NRXN3: variants seen among roughly 807,000 people sequenced by gnomAD.
NRXN3 encodes neurexin III.
A neutral mutation model predicts 137.6 loss-of-function variants in NRXN3; 32 were observed. That is an observed-to-expected ratio of 0.23 (90% CI 0.18 to 0.31). The LOEUF is 0.31. Ranked by LOEUF, NRXN3 falls within the 10% of genes least tolerant of loss-of-function variation. The pLI is 1.00. For missense variants in NRXN3, 1,574 were observed against 2,062.5 expected, an observed-to-expected ratio of 0.76 and a Z score of 4.59; for synonymous variants, 798 against 784.5, an observed-to-expected ratio of 1.02 and a Z score of -0.29.
At chr14:79,480,896 C>G (rs1334617795) in intron 16 of NRXN3, among the ~76,000 whole-genome samples, 1 of 152,128 alleles carries the variant, frequency 6.6e-6, no homozygotes, top group Non-Finnish European at 1.5e-5. Context: ...TTCCTGAGGC[C>G]TCCCCAGCCA....
chr14:78,824,471 C>A (rs1263436306), intron 10 of NRXN3, among the ~76,000 whole-genome samples: 3 of 152,124 alleles, frequency 2.0e-5, no homozygotes, highest in African/African-American at 4.8e-5. Flanking sequence ...CATTAGTGAA[C>A]ACTTATTGAA....
intron 3 of NRXN3, 42 bp downstream of exon 3, chr14:78,278,704 T>C: frequency 6.6e-7 from 1 of 1,512,674 alleles, no homozygotes; most frequent in East Asian, 2.5e-5. Flanking sequence ...GAATTTCCCC[T>C]CTGCTAGATT....
chr14:78,206,577 T>A (rs938744243), intron 1 of NRXN3, among the ~76,000 whole-genome samples: 2 of 152,074 alleles, frequency 1.3e-5, no homozygotes, highest in Admixed American at 6.5e-5. Flanking sequence ...AAGGCTGAGA[T>A]GAGATTGCTC....
intron 1 of NRXN3, among the ~76,000 whole-genome samples, chr14:78,222,452 A>G (rs944311768): frequency 1.3e-5 from 2 of 152,168 alleles, no homozygotes; most frequent in Non-Finnish European, 2.9e-5. Flanking sequence ...CATCGCCTTG[A>G]ATGAGGCTTT....
At chr14:79,668,010 C>T (rs2153992492) in intron 17 of NRXN3, among the ~76,000 whole-genome samples, 1 of 152,078 alleles carries the variant, frequency 6.6e-6, no homozygotes, top group African/African-American at 2.4e-5. Context: ...CAGACTGATA[C>T]ACAGCTTCAA....
chr14:78,908,706 T>C (rs2099226838), intron 10 of NRXN3, among the ~76,000 whole-genome samples: 1 of 151,978 alleles, frequency 6.6e-6, no homozygotes, highest in Non-Finnish European at 1.5e-5. Context: ...GATAAGACAT[T>C]GGTTTGAATA....
At chr14:78,694,117 T>C (rs1041591995) in intron 6 of NRXN3, among the ~76,000 whole-genome samples, 3 of 152,010 alleles carry the variant, frequency 2.0e-5, no homozygotes, top group East Asian at 3.9e-4. Flanking sequence ...CAGCTTGAAT[T>C]AAGAGCTCAT....
chr14:79,628,151 A>G (rs2098302230), intron 16 of NRXN3, among the ~76,000 whole-genome samples: 1 of 152,186 alleles, frequency 6.6e-6, no homozygotes, highest in South Asian at 2.1e-4. Context: ...ATAAGAGGAC[A>G]GTTTAGAGGA....
At chr14:79,197,175 A>G (rs2065249161) in intron 15 of NRXN3, among the ~76,000 whole-genome samples, 1 of 152,322 alleles carries the variant, frequency 6.6e-6, no homozygotes. Context: ...TTTGCCTTAT[A>G]TCCACTTAAG....
chr14:78,955,329 A>G (rs1382129841), intron 10 of NRXN3, among the ~76,000 whole-genome samples: 2 of 152,162 alleles, frequency 1.3e-5, no homozygotes, highest in Non-Finnish European at 2.9e-5. Flanking sequence ...GGCTGTTGTG[A>G]TGGCAACTGT....
chr14:79,562,939 GA>G (rs1314397846), intron 16 of NRXN3, among the ~76,000 whole-genome samples: 2 of 151,964 alleles, frequency 1.3e-5, no homozygotes, highest in African/African-American at 4.8e-5. Context: ...ATAAAACATG[GA>G]AAAAACTTTG....
At chr14:78,609,624 C>T (rs1052933453) in intron 4 of NRXN3, among the ~76,000 whole-genome samples, 4 of 152,178 alleles carry the variant, frequency 2.6e-5, no homozygotes, top group Non-Finnish European at 5.9e-5. Context: ...TCAGCATTCT[C>T]ATCTGTTGAA....
intron 10 of NRXN3, among the ~76,000 whole-genome samples, chr14:78,848,454 G>A (rs781047523): frequency 2.0e-5 from 3 of 152,126 alleles, no homozygotes; most frequent in Non-Finnish European, 2.9e-5. Flanking sequence ...ATGCAGAAAT[G>A]CACCTGCTAA....
At chr14:78,527,262 A>G (rs547859370) in intron 4 of NRXN3, among the ~76,000 whole-genome samples, 8 of 152,322 alleles carry the variant, frequency 5.3e-5, no homozygotes, top group Admixed American at 1.3e-4. Flanking sequence ...GCACAGCAGC[A>G]TCTTCTCTGC....
chr14:78,965,801 A>T (rs537087917), intron 11 of NRXN3, among the ~76,000 whole-genome samples: 219 of 152,250 alleles, frequency 1.4e-3, no homozygotes, highest in Non-Finnish European at 2.5e-3. Flanking sequence ...TTCCCCTTAT[A>T]TGATGAGCCG....
chr14:78,918,302 A>G (rs2099261909), intron 10 of NRXN3, among the ~76,000 whole-genome samples: 1 of 146,258 alleles, frequency 6.8e-6, no homozygotes, highest in Non-Finnish European at 1.5e-5. Flanking sequence ...AAAAAAAAAA[A>G]AAAAAGAGAG....
At chr14:78,179,373 G>A (rs1053309511) in intron 1 of NRXN3, among the ~76,000 whole-genome samples, 3 of 152,190 alleles carry the variant, frequency 2.0e-5, no homozygotes, top group Non-Finnish European at 2.9e-5. Flanking sequence ...CAGCCCCTAG[G>A]CTGAGCTGCA....
intron 16 of NRXN3, among the ~76,000 whole-genome samples, chr14:79,522,034 T>C (rs554686516): frequency 6.6e-6 from 1 of 152,310 alleles, no homozygotes; most frequent in African/African-American, 2.4e-5. Flanking sequence ...GAAGCCTTTC[T>C]TGAAGAGGCA....
At chr14:78,787,839 G>T (rs1226893570) in intron 8 of NRXN3, among the ~76,000 whole-genome samples, 1 of 152,118 alleles carries the variant, frequency 6.6e-6, no homozygotes. Flanking sequence ...TTGGATTTTT[G>T]AATGCAATCT....
Sources: gnomAD v4.1 joint callset for allele counts (sites outside exome capture counted in the v4.1 genomes callset) on GRCh38, gnomAD v4.1.1 for gene constraint, MANE v1.5 for transcripts, NCBI Gene and HGNC (gene_info 2026-07-23, HGNC 2026-07-21) for gene names.